The following MTCL1 variants were observed in gnomAD, a reference collection of about 807,000 sequenced individuals.
MTCL1 encodes the protein microtubule cross-linking factor 1.
Under a neutral mutation model 141.4 loss-of-function variants are expected in MTCL1, and 79 were observed. The observed-to-expected ratio is 0.56, with a 90% CI of 0.47 to 0.67. MTCL1 has a LOEUF of 0.67. Among genes scored for constraint, MTCL1 ranks in the 30% least tolerant of loss-of-function variants. The pLI, the probability that MTCL1 is intolerant of heterozygous loss-of-function variation, is 0.00. For synonymous variants in MTCL1, 914 were observed against 875.8 expected, an observed-to-expected ratio of 1.04 and a Z score of -0.77; for missense variants, 2,177 against 2,113.9, an observed-to-expected ratio of 1.03 and a Z score of -0.59.
chr18:8,754,018 A>C (rs1381481825), intron 4 of MTCL1, among the ~76,000 whole-genome samples: 5 of 152,232 alleles, frequency 3.3e-5, no homozygotes, highest in Admixed American at 2.0e-4. Flanking sequence ...ATTGCTTTTC[A>C]TACAGACTTA....
At chr18:8,758,998 G>A (rs1254602719) in intron 4 of MTCL1, among the ~76,000 whole-genome samples, 2 of 152,290 alleles carry the variant, frequency 1.3e-5, no homozygotes, top group African/African-American at 4.8e-5. Flanking sequence ...ACAGTAGAGG[G>A]GCAGAAGGAC....
Position 8,822,606 on chromosome 18 carries a change from T to C in MTCL1, c.3188+1108T>C. Among the ~76,000 whole-genome samples the C allele has an allele frequency of 6.6e-6, 1 of 152,248 alleles. No individual in the cohort carries two copies. Among genetic ancestry groups the C allele is most frequent in the East Asian group, 1.9e-4 (1 of 5,194 alleles). Reference sequence around the variant, plus strand: ...GTGCCCAGCCCAAACTGCCTGGGTTTGAATCGCTTCTGCCTCCTTGGGTAG... The same window carrying C: ...GTGCCCAGCCCAAACTGCCTGGGTTCGAATCGCTTCTGCCTCCTTGGGTAG... On this transcript the variant is annotated intron_variant, in intron 14 of 16. Coordinates refer to ENST00000359865, the Ensembl canonical transcript of MTCL1. This position sits in a 1 kb window ranked among gnomAD's most constrained non-coding sequence, Gnocchi z 4.6.
intron 1 of MTCL1, among the ~76,000 whole-genome samples, 189 bp downstream of exon 1, chr18:8,706,902 T>C (rs1160970718): frequency 6.6e-6 from 1 of 152,206 alleles, no homozygotes; most frequent in Admixed American, 6.5e-5. Flanking sequence ...GCAAGACCTG[T>C]GGGACCCCGC....
intron 4 of MTCL1, among the ~76,000 whole-genome samples, chr18:8,767,620 C>T: frequency 6.6e-6 from 1 of 152,204 alleles, no homozygotes; most frequent in East Asian, 1.9e-4. Context: ...TTCTGTCTGA[C>T]TTGAGTACCC....
At chr18:8,729,716 A>C (rs1466544221) in intron 4 of MTCL1, among the ~76,000 whole-genome samples, 1 of 12,552 alleles carries the variant, frequency 8.0e-5, no homozygotes, top group African/African-American at 5.1e-4. Context: ...ATATATATAT[A>C]TATATATATA....
chr18:8,756,940 G>A (rs1004294087), intron 4 of MTCL1, among the ~76,000 whole-genome samples: 4 of 152,198 alleles, frequency 2.6e-5, no homozygotes, highest in Non-Finnish European at 4.4e-5. Flanking sequence ...TGTGACACTT[G>A]CAAAGCAAAG....
chr18:8,758,178 C>T (rs1409813008), intron 4 of MTCL1, among the ~76,000 whole-genome samples: 1 of 152,120 alleles, frequency 6.6e-6, no homozygotes, highest in Non-Finnish European at 1.5e-5. Flanking sequence ...CATGCACCAC[C>T]ATGCCTGGCT....
intron 4 of MTCL1, among the ~76,000 whole-genome samples, chr18:8,747,732 C>T (rs1283990885): frequency 6.6e-6 from 1 of 152,216 alleles, no homozygotes; most frequent in Admixed American, 6.5e-5. Flanking sequence ...TACAGGAAAA[C>T]AGAGAAGCTG....
intron 7 of MTCL1, among the ~76,000 whole-genome samples, chr18:8,788,202 G>C (rs2075587402): frequency 6.6e-6 from 1 of 152,150 alleles, no homozygotes; most frequent in African/African-American, 2.4e-5. Context: ...CCTTCATGCA[G>C]ACTGAGGCAG....
At chr18:8,784,566 G>C (rs563230567) in exon 6 of MTCL1, 2 of 1,609,190 alleles carry the variant, frequency 1.2e-6, no homozygotes, top group African/African-American at 2.7e-5. Flanking sequence ...GCGGGGCTGC[G>C]GGGTGGTGCG....
At chr18:8,776,884 C>T (rs1427064495) in intron 4 of MTCL1, among the ~76,000 whole-genome samples, 28 of 152,150 alleles carry the variant, frequency 1.8e-4, no homozygotes, top group Admixed American at 1.8e-3. Context: ...GCCTCAGTCG[C>T]CCTAGTAGCT....
intron 1 of MTCL1, among the ~76,000 whole-genome samples, chr18:8,709,926 G>A (rs958413538): frequency 2.4e-4 from 37 of 151,978 alleles, no homozygotes; most frequent in Non-Finnish European, 5.0e-4. Flanking sequence ...TGCACCCTCC[G>A]CCTCCCAGAT....
chr18:8,814,198 A>G (rs1169710497), intron 12 of MTCL1, among the ~76,000 whole-genome samples: 2 of 152,146 alleles, frequency 1.3e-5, no homozygotes, highest in South Asian at 2.1e-4. Flanking sequence ...CATGTGTTGG[A>G]TAGGGCGGGA....
intron 11 of MTCL1, among the ~76,000 whole-genome samples, chr18:8,807,690 G>C (rs967520908): frequency 6.6e-6 from 1 of 152,184 alleles, no homozygotes; most frequent in Non-Finnish European, 1.5e-5. Context: ...AGCCATAGGA[G>C]TTAAGATCAG....
intron 13 of MTCL1, among the ~76,000 whole-genome samples, chr18:8,820,389 G>A (rs2076806253): frequency 1.3e-5 from 2 of 151,916 alleles, no homozygotes; most frequent in Non-Finnish European, 2.9e-5. Flanking sequence ...CAGCCTGGGC[G>A]ACAGAGCAAG....
At position 8,825,719 on chromosome 18, in the gene MTCL1, C is replaced by T. The variant is rs367711662; in HGVS notation, c.4209C>T (p.Ala1403=). The T allele has an allele frequency of 3.8e-5, 62 of 1,614,016 alleles. No homozygotes were observed. In the African/African-American group the frequency reaches 5.5e-4, roughly 14 times the overall value. ...TGCAGAGGAAGCCCCTCCCCAAAGC[C>T]GACCAGCCAAATAACAGGACGTCAC... Residue 1403 remains alanine (A), a synonymous_variant, in exon 15 of 17, where the codon GCC becomes GCT. Transcript: ENST00000359865.
chr18:8,793,814 G>C (rs558006760), intron 8 of MTCL1, among the ~76,000 whole-genome samples: 4 of 152,206 alleles, frequency 2.6e-5, no homozygotes, highest in Non-Finnish European at 5.9e-5. Context: ...AAAGCAAAGC[G>C]GTTGATCTTG....
chr18:8,738,936 C>A (rs1292002004), intron 4 of MTCL1, among the ~76,000 whole-genome samples: 3 of 152,050 alleles, frequency 2.0e-5, no homozygotes, highest in Non-Finnish European at 4.4e-5. Context: ...GTCACTTGTT[C>A]ATCTAAAAAA....
rs1207321240 is a variant in MTCL1, at chr18:8,816,528, CT to C, written c.2860-2431del. Among the ~76,000 whole-genome samples the C allele has an allele frequency of 2.5e-4, 38 of 152,274 alleles. 2 individuals are homozygous for C. Among genetic ancestry groups the C allele is most frequent in the Admixed American group, 2.3e-3 (35 of 15,298 alleles). On this transcript the variant is annotated intron_variant, in intron 12 of 16. Coordinates refer to ENST00000359865, the Ensembl canonical transcript of MTCL1. The stretch of plus-strand genomic sequence containing the variant: ...TTGATTGCGGGGTGGGGGTAGGAGA[CT>C]TTTATGGAGTCACACTACATTTCTC...
Sources: gnomAD v4.1 joint callset for allele counts (sites outside exome capture counted in the v4.1 genomes callset) on GRCh38, gnomAD v4.1.1 for gene constraint, Gnocchi (gnomAD v3.1) non-coding constraint, MANE v1.5 for transcripts, NCBI Gene and HGNC (gene_info 2026-07-23, HGNC 2026-07-21) for gene names.